CASTOR2: variants seen among roughly 807,000 people sequenced by gnomAD.
The protein encoded by CASTOR2 is cytosolic arginine sensor for mTORC1 subunit 2, also known as GATS protein like 2.
Under a neutral mutation model 31.2 loss-of-function variants are expected in CASTOR2, and 8 were observed. The ratio of observed to expected loss-of-function variants is 0.26; its 90% confidence interval spans 0.15 to 0.46. CASTOR2 has a LOEUF of 0.46. CASTOR2 is among the 20% of genes least tolerant of loss of function. The pLI, the probability that CASTOR2 is intolerant of heterozygous loss-of-function variation, is 0.99. For missense variants in CASTOR2, 216 were observed against 382.1 expected, an observed-to-expected ratio of 0.57 and a Z score of 3.62; for synonymous variants, 162 against 158.7, an observed-to-expected ratio of 1.02 and a Z score of -0.16.
At position 75,029,760 on chromosome 7, in the gene CASTOR2, G is replaced by A. The variant is rs1035236368; in HGVS notation, c.*5061G>A. Among the ~76,000 whole-genome samples, 245 of 152,342 alleles carry A rather than the reference G, an allele frequency of 1.6e-3. 1 individual carries two copies. The highest frequency in any genetic ancestry group is 5.7e-3 in the African/African-American group (236 of 41,576). On this transcript the variant is annotated 3_prime_UTR_variant, in exon 9 of 9. Coordinates refer to ENST00000616305, the MANE Select transcript of CASTOR2 (RefSeq NM_001145064.3). ...CCTGGAGCATTGGAGACATTGGTTA[G>A]TGTAATAGGCAGAGCCTGAGTGAGG...
At chr7:74,981,460 C>T (rs1488707011) in intron 1 of CASTOR2, among the ~76,000 whole-genome samples, 15 of 146,212 alleles carry the variant, frequency 1.0e-4, no homozygotes, top group Admixed American at 5.5e-4. Context: ...GGATTACAGG[C>T]GTGAGCCACC....
rs1159460301 is a variant in CASTOR2, at chr7:74,998,600, CAA to C, written c.114-9379_114-9378del. ...CCTGGGCGACAGTGAGACTCCATCT[CAA>C]AAAAAAAAAAAAAAGGCAGACAGAC... On this transcript the variant is annotated intron_variant, in intron 1 of 8. Transcript: ENST00000616305. Among the ~76,000 whole-genome samples the C allele has an allele frequency of 8.7e-3, 1,044 of 120,060 alleles. 2 individuals carry two copies. The highest frequency in any genetic ancestry group is 0.01 in the Non-Finnish European group (576 of 57,426). 78.8% of individuals were successfully genotyped at this position (120,060 alleles called of 152,430 possible).
chr7:75,023,491 T>TTG, intron 7 of CASTOR2, among the ~76,000 whole-genome samples: 1 of 140,830 alleles, frequency 7.1e-6, no homozygotes, highest in African/African-American at 2.6e-5. Context: ...TTTTTTTTTT[T>TTG]GAGACCGGAT....
chr7:75,024,327 G>A (rs1318464658), intron 7 of CASTOR2, 113 bp from the exon 8 acceptor site: 1 of 1,031,296 alleles, frequency 9.7e-7, no homozygotes, highest in East Asian at 2.6e-5. Flanking sequence ...GAATTCTCTA[G>A]GAGGATGGTG....
At chr7:74,991,046 C>T (rs1804198057) in intron 1 of CASTOR2, among the ~76,000 whole-genome samples, 1 of 147,614 alleles carries the variant, frequency 6.8e-6, no homozygotes, top group South Asian at 2.1e-4. Context: ...TGCACTCCAG[C>T]CTGGGTGACA....
Position 75,030,756 on chromosome 7 carries a change from C to T in CASTOR2, c.*6057C>T, listed in dbSNP as rs1266290279. Among the ~76,000 whole-genome samples, 1 of 152,154 alleles carries T rather than the reference C, an allele frequency of 6.6e-6. No individual in the cohort carries two copies. Among genetic ancestry groups the T allele is most frequent in the Non-Finnish European group, 1.5e-5 (1 of 68,024 alleles). ...ATCCCTAGCCTCAGAATTCACACGCCGTTGCCTCCACCATGCTCTGGTTTG... is the reference window on the plus strand; with the variant it reads ...ATCCCTAGCCTCAGAATTCACACGCTGTTGCCTCCACCATGCTCTGGTTTG... On this transcript the variant is annotated 3_prime_UTR_variant, in exon 9 of 9. Transcript: ENST00000616305.
In CASTOR2 at chr7:74,990,345, G is replaced by A. The variant is rs1432322990; in HGVS notation, c.114-17649G>A. On this transcript the variant is annotated intron_variant, in intron 1 of 8. Transcript: ENST00000616305. ...GGAGCTTGCAGTGAGCCGAGATTGC[G>A]CCACTGCACTCCAGCCTGGATGGCG... Among the ~76,000 whole-genome samples the A allele has an allele frequency of 5.9e-4, 88 of 149,142 alleles. 1 individual carries two copies. The highest frequency in any genetic ancestry group is 1.4e-3 in the Admixed American group (21 of 14,766).
intron 2 of CASTOR2, among the ~76,000 whole-genome samples, chr7:75,017,155 A>C (rs1359328176): frequency 6.6e-6 from 1 of 151,042 alleles, no homozygotes; most frequent in East Asian, 2.0e-4. Flanking sequence ...CTCTCAAAAA[A>C]CAATCCCATC....
intron 1 of CASTOR2, among the ~76,000 whole-genome samples, chr7:74,991,244 C>T (rs1183607871): frequency 4.6e-5 from 7 of 152,252 alleles, no homozygotes; most frequent in African/African-American, 1.7e-4. Context: ...TTCTCCATAA[C>T]TGGATATGAG....
intron 2 of CASTOR2, among the ~76,000 whole-genome samples, chr7:75,016,282 C>CT (rs1167488489): frequency 2.6e-5 from 4 of 152,238 alleles, no homozygotes; most frequent in Non-Finnish European, 5.9e-5. Context: ...CTCAGGGTCT[C>CT]TGTCTGCAGG....
rs1805224838 is a variant in CASTOR2, at chr7:75,029,083, T to A, written c.*4384T>A. 6.6e-6 allele frequency among the ~76,000 whole-genome samples: 1 copy of A among 152,190 alleles called. No individual in the cohort carries two copies. Among genetic ancestry groups the A allele is most frequent in the Non-Finnish European group, 1.5e-5 (1 of 68,014 alleles). ...CCCTCTGAGGTGACAGAGGATGCCC[T>A]GGAGGTCAGGAGAGAAGACTGGGAA... On this transcript the variant is annotated 3_prime_UTR_variant, in exon 9 of 9. Transcript: ENST00000616305.
chr7:75,024,922 A>G lies in CASTOR2; in HGVS notation c.*223A>G. 1 of 1,100,592 alleles carries G rather than the reference A, an allele frequency of 9.1e-7. No individual in the cohort carries two copies. Among genetic ancestry groups the G allele is most frequent in the Non-Finnish European group, 1.3e-6 (1 of 772,720 alleles). The allele number at this position is 1,100,592 out of a possible 1,614,324, so 68.2% of individuals were successfully genotyped here. A position where few individuals can be genotyped will look rare whatever the true frequency, so the allele number is the denominator to read the frequency against. ...CCGGAGCCCCCCGACCCTCCAGAGA[A>G]CGACCTTTCTCTTCCCTACCTCCCC... On this transcript the variant is annotated 3_prime_UTR_variant, in exon 9 of 9. Transcript: ENST00000616305.
rs868954209 is a variant in CASTOR2, at chr7:74,982,913, C to T, written c.113+17815C>T. On this transcript the variant is annotated intron_variant, in intron 1 of 8. Transcript: ENST00000616305. ...TGTCACCTGCAGATGACAAGGCTACCGTATCCATTCCTCAAGCCAGGCCTC... is the reference window on the plus strand; with the variant it reads ...TGTCACCTGCAGATGACAAGGCTACTGTATCCATTCCTCAAGCCAGGCCTC... Among the ~76,000 whole-genome samples the T allele has an allele frequency of 3.7e-3, 78 of 21,182 alleles. 2 individuals carry two copies. Among genetic ancestry groups the T allele is most frequent in the African/African-American group, 0.016 (73 of 4,670 alleles). 13.9% of individuals were successfully genotyped at this position (21,182 alleles called of 152,430 possible).
intron 1 of CASTOR2, among the ~76,000 whole-genome samples, chr7:74,977,975 G>A (rs1286638273): frequency 4.6e-5 from 7 of 150,614 alleles, no homozygotes; most frequent in African/African-American, 1.7e-4. Context: ...TACAGCGCCT[G>A]GCCTAAATGG....
chr7:75,020,423 G>T (rs1804967319), intron 6 of CASTOR2, among the ~76,000 whole-genome samples: 1 of 151,310 alleles, frequency 6.6e-6, no homozygotes, highest in Non-Finnish European at 1.5e-5. Context: ...TAAAGACAGG[G>T]TTTTGCCATG....
chr7:74,977,971 G>T (rs1213145607), intron 1 of CASTOR2, among the ~76,000 whole-genome samples: 1 of 150,632 alleles, frequency 6.6e-6, no homozygotes, highest in Non-Finnish European at 1.5e-5. Context: ...GAGCTACAGC[G>T]CCTGGCCTAA....
chr7:74,994,023 CG>C (rs1804277801), intron 1 of CASTOR2, among the ~76,000 whole-genome samples: 2 of 152,162 alleles, frequency 1.3e-5, no homozygotes, highest in South Asian at 4.1e-4. Context: ...GGAGAGGCCC[CG>C]TGTGAGGGCC....
At position 75,020,105 on chromosome 7, in the gene CASTOR2, C is replaced by G; in HGVS notation, c.702C>G (p.Ile234Met). The G allele has an allele frequency of 6.4e-7, 1 of 1,551,516 alleles. No individual in the cohort carries two copies. Among genetic ancestry groups the G allele is most frequent in the Non-Finnish European group, 8.7e-7 (1 of 1,146,830 alleles). Reference protein sequence around the residue: ...GHIRFFSFSLIEGYISLVMDV... With the variant: ...GHIRFFSFSLMEGYISLVMDV... ...TCCGCTTCTTCTCCTTCTCCCTCATCGAGGGCTACATCTCCCTGGTGATGG... is the reference window on the plus strand; with the variant it reads ...TCCGCTTCTTCTCCTTCTCCCTCATGGAGGGCTACATCTCCCTGGTGATGG... The change falls in exon 6 of 9, where the codon ATC becomes ATG. Residue 234 changes from isoleucine (I) to methionine (M), a missense_variant. Ile to Met is a conservative substitution (Grantham distance 10). Around this residue, in one of 5 missense-constraint regions of CASTOR2, gnomAD observed 44 missense variants for 57.5 expected, o/e 0.76. Transcript: ENST00000616305.
At chr7:75,017,062 G>T (rs1434452092) in intron 2 of CASTOR2, among the ~76,000 whole-genome samples, 3 of 152,226 alleles carry the variant, frequency 2.0e-5, no homozygotes, top group Non-Finnish European at 4.4e-5. Flanking sequence ...CGCTACTCAA[G>T]AATCACTTGA....
Sources: gnomAD v4.1 joint callset for allele counts (sites outside exome capture counted in the v4.1 genomes callset) on GRCh38, gnomAD v4.1.1 for gene constraint, gnomAD v4.1.1 regional missense constraint, MANE v1.5 for transcripts, NCBI Gene and HGNC (gene_info 2026-07-23, HGNC 2026-07-21) for gene names.